The following ANO4 variants were observed in gnomAD, a reference collection of about 807,000 sequenced individuals.
ANO4 encodes anoctamin 4.
Under a neutral mutation model 141.9 loss-of-function variants are expected in ANO4, and 69 were observed. The ratio of observed to expected loss-of-function variants is 0.49; its 90% confidence interval spans 0.40 to 0.59. The LOEUF (loss-of-function observed/expected upper bound fraction) is 0.59. Among genes scored for constraint, ANO4 ranks in the 20% least tolerant of loss-of-function variants. The pLI, the probability that ANO4 is intolerant of heterozygous loss-of-function variation, is 0.00. For missense variants in ANO4, 894 were observed against 1,162.2 expected, an observed-to-expected ratio of 0.77 and a Z score of 3.36; for synonymous variants, 350 against 394.3, an observed-to-expected ratio of 0.89 and a Z score of 1.33.
intron 8 of ANO4, among the ~76,000 whole-genome samples, chr12:100,997,669 G>T (rs1241233194): frequency 1.3e-5 from 2 of 152,152 alleles, no homozygotes; most frequent in East Asian, 3.9e-4. Context: ...TAGAAAATTG[G>T]CCTTTACACC....
chr12:101,007,274 C>T lies in ANO4; in HGVS notation c.735-12760C>T, dbSNP rs559299885. ...AGACTGAAGCAGAATTGCTTAAATC[C>T]GAGAGGCAGAGGTTGCAGTGAGCGG... On this transcript the variant is annotated intron_variant, in intron 8 of 27. Transcript: ENST00000392977. Among the ~76,000 whole-genome samples, 5 of 152,256 alleles carry T rather than the reference C, an allele frequency of 3.3e-5. No individual in the cohort carries two copies. The East Asian group carries it at 5.8e-4, about 18-fold the overall frequency.
intron 1 of ANO4, among the ~76,000 whole-genome samples, chr12:100,818,298 G>A (rs2035846856): frequency 6.6e-6 from 1 of 151,808 alleles, no homozygotes; most frequent in Non-Finnish European, 1.5e-5. Context: ...CTAAAGATTA[G>A]ACAACTTAAG....
intron 8 of ANO4, among the ~76,000 whole-genome samples, chr12:101,008,316 C>T (rs868743914): frequency 5.5e-4 from 83 of 152,116 alleles, no homozygotes; most frequent in African/African-American, 1.9e-3. Context: ...GAAGCAGCCC[C>T]TTTCAACTCT....
chr12:100,968,476 T>G (rs1478182034), intron 5 of ANO4, among the ~76,000 whole-genome samples: 1 of 152,208 alleles, frequency 6.6e-6, no homozygotes, highest in Non-Finnish European at 1.5e-5. Flanking sequence ...CACATTTCCA[T>G]ATAGTGTCTT....
At chr12:101,089,125 A>T (rs936327720) in intron 17 of ANO4, among the ~76,000 whole-genome samples, 8 of 152,144 alleles carry the variant, frequency 5.3e-5, no homozygotes, top group African/African-American at 1.4e-4. Flanking sequence ...ATACAGGTTT[A>T]TCTATGTAGC....
intron 1 of ANO4, among the ~76,000 whole-genome samples, chr12:100,733,173 C>G (rs536265244): frequency 6.6e-6 from 1 of 152,282 alleles, no homozygotes; most frequent in African/African-American, 2.4e-5. Flanking sequence ...TAGGCAGAAG[C>G]CAAACTTGTT....
At chr12:100,856,499 G>A (rs2038180037) in intron 1 of ANO4, among the ~76,000 whole-genome samples, 1 of 152,012 alleles carries the variant, frequency 6.6e-6, no homozygotes, top group Non-Finnish European at 1.5e-5. Context: ...AGCCAGCTGG[G>A]GGAAAAACAA....
chr12:101,047,982 A>G, intron 13 of ANO4: 1 of 1,003,808 alleles, frequency 1.0e-6, no homozygotes, highest in Non-Finnish European at 1.2e-6. Flanking sequence ...CCTTTAAAGC[A>G]GCACTAACAA....
chr12:101,082,795 A>T (rs756274148), intron 15 of ANO4, among the ~76,000 whole-genome samples: 4 of 152,164 alleles, frequency 2.6e-5, no homozygotes, highest in Non-Finnish European at 5.9e-5. Flanking sequence ...CAGTACCTTC[A>T]TCCGAATCTT....
rs376203762 is a variant in ANO4, at chr12:100,978,859, C to A, written c.602+3970C>A. Among the ~76,000 whole-genome samples the A allele has an allele frequency of 2.6e-5, 4 of 152,224 alleles. No individual in the cohort carries two copies. The East Asian group carries it at 7.7e-4, about 29-fold the overall frequency. Reference sequence around the variant, plus strand: ...GGAAGTTGACTTTTTAAAATTGATTCTGTATTATAACTCAACAGTAGATTT... The same window carrying A: ...GGAAGTTGACTTTTTAAAATTGATTATGTATTATAACTCAACAGTAGATTT... On this transcript the variant is annotated intron_variant, in intron 7 of 27. Coordinates refer to ENST00000392977, the MANE Select transcript of ANO4 (RefSeq NM_001286615.2).
At chr12:100,837,847 G>T (rs2037020549) in intron 1 of ANO4, among the ~76,000 whole-genome samples, 1 of 151,856 alleles carries the variant, frequency 6.6e-6, no homozygotes, top group Non-Finnish European at 1.5e-5. Flanking sequence ...TTTTTCTTTA[G>T]ATTTTCAAGT....
chr12:101,083,640 C>T (rs776426431), intron 15 of ANO4, 38 bp from the exon 16 acceptor site: 3 of 1,580,910 alleles, frequency 1.9e-6, no homozygotes, highest in African/African-American at 1.4e-5. Flanking sequence ...GTGTGAGCAC[C>T]TCTTTAGTGC....
chr12:100,864,238 C>G (rs185973463), intron 1 of ANO4, among the ~76,000 whole-genome samples: 1 of 152,234 alleles, frequency 6.6e-6, no homozygotes, highest in African/African-American at 2.4e-5. Flanking sequence ...AGTCAATATT[C>G]TAATTCTGAC....
chr12:100,918,849 T>C (rs1273605212), intron 2 of ANO4, among the ~76,000 whole-genome samples: 3 of 152,148 alleles, frequency 2.0e-5, no homozygotes, highest in Non-Finnish European at 4.4e-5. Context: ...GGCAGGTCTT[T>C]TAGGAGGTAT....
intron 3 of ANO4, among the ~76,000 whole-genome samples, chr12:100,771,134 G>T (rs1386576711): frequency 1.3e-5 from 2 of 152,090 alleles, no homozygotes; most frequent in African/African-American, 4.8e-5. Context: ...GGTTAAATTG[G>T]AACTACCAAT....
chr12:100,892,178 T>C (rs569137278), intron 1 of ANO4, among the ~76,000 whole-genome samples: 1 of 152,354 alleles, frequency 6.6e-6, no homozygotes, highest in East Asian at 1.9e-4. Context: ...GATTCCATAT[T>C]ATGGCTGTGT....
intron 4 of ANO4, among the ~76,000 whole-genome samples, chr12:100,940,977 A>C (rs2042486642): frequency 2.0e-5 from 3 of 152,216 alleles, no homozygotes; most frequent in Admixed American, 6.5e-5. Context: ...GTATGATAAT[A>C]AAATGAACAC....
chr12:100,949,447 T>A (rs2042879906), intron 5 of ANO4, among the ~76,000 whole-genome samples: 1 of 152,256 alleles, frequency 6.6e-6, no homozygotes, highest in Non-Finnish European at 1.5e-5. Flanking sequence ...ATTTATCTCA[T>A]GGGTTATTTT....
chr12:101,109,549 A>G (rs2050580790), intron 22 of ANO4, among the ~76,000 whole-genome samples: 1 of 152,146 alleles, frequency 6.6e-6, no homozygotes, highest in South Asian at 2.1e-4. Flanking sequence ...GGACAGAGCT[A>G]GACTCTGTCT....
Sources: gnomAD v4.1 joint callset for allele counts (sites outside exome capture counted in the v4.1 genomes callset) on GRCh38, gnomAD v4.1.1 for gene constraint, MANE v1.5 for transcripts, NCBI Gene and HGNC (gene_info 2026-07-23, HGNC 2026-07-21) for gene names.